ZNF385D: variants seen among roughly 807,000 people sequenced by gnomAD.
ZNF385D encodes zinc finger protein 385D, also known as zinc finger protein 659.
ZNF385D carries 15 observed loss-of-function variants against 35.8 expected under a neutral mutation model. The ratio of observed to expected loss-of-function variants is 0.42; its 90% confidence interval spans 0.28 to 0.64. The LOEUF is 0.64. Ranked by LOEUF, ZNF385D falls within the 30% of genes least tolerant of loss-of-function variation. The pLI is 0.23. For missense variants in ZNF385D, 474 were observed against 494.6 expected (o/e 0.96, Z 0.39); for synonymous variants, 212 against 186.8 (o/e 1.13, Z -1.10).
intron 2 of ZNF385D, among the ~76,000 whole-genome samples, chr3:22,231,490 G>T (rs1698886627): frequency 6.6e-6 from 1 of 152,192 alleles, no homozygotes; most frequent in Admixed American, 6.5e-5. Flanking sequence ...TCCCACAGTA[G>T]CTGACAAGAG....
At chr3:21,690,984 AC>A (rs915727067) in intron 1 of ZNF385D, among the ~76,000 whole-genome samples, 1 of 152,092 alleles carries the variant, frequency 6.6e-6, no homozygotes, top group Non-Finnish European at 1.5e-5. Flanking sequence ...CCTGTTTACT[AC>A]CTTTTTCCCT....
chr3:21,696,181 G>A (rs1023359912), intron 1 of ZNF385D, among the ~76,000 whole-genome samples: 1 of 152,202 alleles, frequency 6.6e-6, no homozygotes, highest in Non-Finnish European at 1.5e-5. Flanking sequence ...ACTGAGGACT[G>A]ATCAGTCAGG....
At chr3:22,322,350 TTGGC>T (rs1694480151) in intron 2 of ZNF385D, among the ~76,000 whole-genome samples, 1 of 151,774 alleles carries the variant, frequency 6.6e-6, no homozygotes, top group African/African-American at 2.4e-5. Flanking sequence ...GGGAAATATC[TTGGC>T]TGGATATAGT....
intron 3 of ZNF385D, among the ~76,000 whole-genome samples, chr3:22,067,636 A>G (rs1700021980): frequency 6.6e-6 from 1 of 152,238 alleles, no homozygotes; most frequent in African/African-American, 2.4e-5. Context: ...TATTATACAA[A>G]CAAATCAACT....
intron 2 of ZNF385D, among the ~76,000 whole-genome samples, chr3:22,342,202 A>G (rs1403194915): frequency 7.1e-6 from 1 of 140,874 alleles, no homozygotes; most frequent in Non-Finnish European, 1.5e-5. Context: ...GCGTGAACCC[A>G]GGAGGCGGAG....
chr3:21,490,510 A>T (rs1415794584), intron 4 of ZNF385D, among the ~76,000 whole-genome samples: 7 of 152,180 alleles, frequency 4.6e-5, no homozygotes, highest in Non-Finnish European at 1.0e-4. Context: ...CCAATAGAGT[A>T]TGATGAGAGG....
chr3:22,033,103 T>C (rs1698098536), intron 3 of ZNF385D, among the ~76,000 whole-genome samples: 1 of 151,648 alleles, frequency 6.6e-6, no homozygotes, highest in Non-Finnish European at 1.5e-5. Flanking sequence ...GGTCAAAGAG[T>C]ATAGAATGAA....
chr3:21,643,004 G>A (rs1303253429), intron 2 of ZNF385D, among the ~76,000 whole-genome samples: 4 of 152,036 alleles, frequency 2.6e-5, no homozygotes, highest in African/African-American at 9.7e-5. Context: ...AAGACAGATG[G>A]CGGTGACGAA....
At chr3:21,585,178 C>T (rs989072554) in intron 2 of ZNF385D, among the ~76,000 whole-genome samples, 2 of 152,124 alleles carry the variant, frequency 1.3e-5, no homozygotes, top group Non-Finnish European at 2.9e-5. Context: ...ATAAAGTTTG[C>T]AGGTAAAGGA....
intron 2 of ZNF385D, among the ~76,000 whole-genome samples, chr3:22,176,153 A>G (rs1354965996): frequency 3.3e-5 from 5 of 152,062 alleles, no homozygotes; most frequent in Non-Finnish European, 5.9e-5. Flanking sequence ...ATAATTCTGT[A>G]AATATCTAAC....
chr3:21,641,159 C>A (rs1346857335), intron 2 of ZNF385D, among the ~76,000 whole-genome samples: 1 of 152,100 alleles, frequency 6.6e-6, no homozygotes, highest in Admixed American at 6.6e-5. Flanking sequence ...ACTATTTCCT[C>A]ACAAGTTCCT....
At chr3:21,590,449 A>G (rs189609137) in intron 2 of ZNF385D, among the ~76,000 whole-genome samples, 6 of 152,326 alleles carry the variant, frequency 3.9e-5, no homozygotes, top group Middle Eastern at 3.4e-3. Flanking sequence ...ATTTACATAT[A>G]TACTTTGTAT....
chr3:22,200,896 G>A (rs147053961), intron 2 of ZNF385D, among the ~76,000 whole-genome samples: 2 of 152,246 alleles, frequency 1.3e-5, no homozygotes, highest in East Asian at 3.9e-4. Flanking sequence ...CAGAGTGTAA[G>A]GTTATCTCTC....
At position 21,416,070 on chromosome 3, in the gene ZNF385D, T is replaced by C. The variant is rs62235508; in HGVS notation, c.*5144A>G. 8 of 5,680 alleles carry C rather than the reference T, an allele frequency of 1.4e-3. 2 individuals carry two copies. Among genetic ancestry groups the C allele is most frequent in the East Asian group, 3.4e-3 (1 of 292 alleles). 0.4% of individuals were successfully genotyped at this position (5,680 alleles called of 1,614,324 possible). On this transcript the variant is annotated 3_prime_UTR_variant, in exon 8 of 8. Transcript: ENST00000281523. ...ACGGAGTCTCGCTCTGTCGCCCAGG[T>C]CGGACTGCGGACTGCAGTGGCGCAA...
rs923213838 is a variant in ZNF385D, at chr3:21,412,531, C to G, written c.*8683G>C. On this transcript the variant is annotated 3_prime_UTR_variant, in exon 8 of 8. Transcript: ENST00000281523. ...TACAGAAGAGAGGAAAATAAGCAAC[C>G]ATTTTGATTCCACAAACCAAGCGAA... 1 of 151,928 alleles carries G rather than the reference C, an allele frequency of 6.6e-6. No homozygotes were observed. The highest frequency in any genetic ancestry group is 2.4e-5 in the African/African-American group (1 of 41,368). 9.4% of individuals were successfully genotyped at this position (151,928 alleles called of 1,614,324 possible).
chr3:21,945,474 C>G (rs967257194), intron 3 of ZNF385D, among the ~76,000 whole-genome samples: 2 of 152,120 alleles, frequency 1.3e-5, no homozygotes, highest in Admixed American at 6.5e-5. Flanking sequence ...CAACAACTCA[C>G]TGAAAAACTT....
At chr3:22,227,907 G>C (rs1174420754) in intron 2 of ZNF385D, among the ~76,000 whole-genome samples, 1 of 152,194 alleles carries the variant, frequency 6.6e-6, no homozygotes, top group Non-Finnish European at 1.5e-5. Flanking sequence ...TCTGCAAGGA[G>C]TACCTCTGCT....
intron 3 of ZNF385D, among the ~76,000 whole-genome samples, chr3:22,121,674 T>G (rs1401097154): frequency 1.3e-5 from 2 of 150,110 alleles, no homozygotes; most frequent in Non-Finnish European, 3.0e-5. Context: ...TGATGTGATT[T>G]TTTTTTTTTT....
intron 2 of ZNF385D, among the ~76,000 whole-genome samples, chr3:22,199,661 T>A (rs149456263): frequency 7.2e-5 from 11 of 152,120 alleles, no homozygotes; most frequent in Admixed American, 7.2e-4. Flanking sequence ...GTTAGCCTCA[T>A]TGTTCAGATG....
Sources: allele counts gnomAD v4.1 joint callset (sites outside exome capture counted in the v4.1 genomes callset), GRCh38; gene constraint gnomAD v4.1.1; transcripts MANE v1.5; gene names NCBI Gene and HGNC (gene_info 2026-07-23, HGNC 2026-07-21).